Variants in PTPRR observed in about 807,000 individuals in gnomAD.
PTPRR encodes protein tyrosine phosphatase receptor type R, also known as receptor-type tyrosine-protein phosphatase R.
PTPRR carries 38 observed loss-of-function variants against 77.2 expected under a neutral mutation model. That is an observed-to-expected ratio of 0.49 (90% confidence interval 0.38 to 0.65). The LOEUF (loss-of-function observed/expected upper bound fraction) is 0.65. Among genes scored for constraint, PTPRR ranks in the 30% least tolerant of loss-of-function variants. The pLI is 0.00. For missense variants in PTPRR, 744 were observed against 799.2 expected (o/e 0.93, Z 0.83); for synonymous variants, 299 against 283.1 (o/e 1.06, Z -0.57).
At chr12:70,761,036 T>C (rs1197937690) in intron 4 of PTPRR, among the ~76,000 whole-genome samples, 2 of 152,142 alleles carry the variant, frequency 1.3e-5, no homozygotes, top group African/African-American at 4.8e-5. Context: ...AATTTCAAAG[T>C]TATGGGAAAA....
intron 2 of PTPRR, among the ~76,000 whole-genome samples, chr12:70,830,426 G>A (rs1892191692): frequency 6.6e-6 from 1 of 152,064 alleles, no homozygotes; most frequent in South Asian, 2.1e-4. Context: ...TAAAAGGCAG[G>A]GCAAAGGAGT....
At chr12:70,659,473 A>T (rs1886714822) in intron 12 of PTPRR, among the ~76,000 whole-genome samples, 1 of 152,130 alleles carries the variant, frequency 6.6e-6, no homozygotes, top group South Asian at 2.1e-4. Context: ...GATAACTGTC[A>T]ACATGGGATC....
In PTPRR at chr12:70,686,374, A is replaced by G. The variant is rs181513853; in HGVS notation, c.1280-1591T>C. 3.3e-3 allele frequency among the ~76,000 whole-genome samples: 510 copies of G among 152,356 alleles called. 1 individual carries two copies. The highest frequency in any genetic ancestry group is 6.7e-3 in the Admixed American group (102 of 15,300). On this transcript the variant is annotated intron_variant, in intron 8 of 13. Coordinates refer to ENST00000283228, the MANE Select transcript of PTPRR (RefSeq NM_002849.4). ...ATTTGTTTTAAATTTCACTTTATAT[A>G]TAACTGGGGTTAAAGATAATAAAGG... is the stretch of plus-strand genomic sequence containing the variant.
At chr12:70,726,793 A>C (rs1338624685) in intron 6 of PTPRR, among the ~76,000 whole-genome samples, 1 of 152,008 alleles carries the variant, frequency 6.6e-6, no homozygotes, top group Non-Finnish European at 1.5e-5. Flanking sequence ...GTCTCTGCTA[A>C]AAGGTCTTGA....
At chr12:70,768,225 A>G (rs1490651814) in intron 2 of PTPRR, among the ~76,000 whole-genome samples, 2 of 152,154 alleles carry the variant, frequency 1.3e-5, no homozygotes, top group African/African-American at 4.8e-5. Context: ...TGAATCCAGG[A>G]GCTGGTTTTT....
intron 7 of PTPRR, 140 bp from the exon 8 acceptor site, chr12:70,698,489 C>T: frequency 6.4e-6 from 4 of 623,608 alleles, no homozygotes; most frequent in Admixed American, 2.7e-5. Flanking sequence ...GGTGGACCAA[C>T]ACCCTTCCTT....
At chr12:70,716,854 A>C (rs1235263885) in intron 6 of PTPRR, among the ~76,000 whole-genome samples, 1 of 152,216 alleles carries the variant, frequency 6.6e-6, no homozygotes, top group Non-Finnish European at 1.5e-5. Flanking sequence ...CCCATAAAAT[A>C]AAATCATTTT....
chr12:70,803,154 C>G (rs111685949), intron 2 of PTPRR, among the ~76,000 whole-genome samples: 1 of 152,102 alleles, frequency 6.6e-6, no homozygotes, highest in Non-Finnish European at 1.5e-5. Flanking sequence ...AAAGCAGTTG[C>G]CATCAGCTCA....
chr12:70,787,305 C>A (rs1355651659), intron 2 of PTPRR, among the ~76,000 whole-genome samples: 2 of 152,122 alleles, frequency 1.3e-5, no homozygotes, highest in Non-Finnish European at 2.9e-5. Context: ...TAGCTTATTC[C>A]TTTTTGTGAC....
intron 2 of PTPRR, among the ~76,000 whole-genome samples, chr12:70,782,731 A>G (rs549617664): frequency 1.3e-5 from 2 of 152,246 alleles, no homozygotes; most frequent in East Asian, 1.9e-4. Flanking sequence ...AGACACACCT[A>G]ATGTAAATGA....
chr12:70,763,625 T>C (rs966345429), intron 3 of PTPRR, among the ~76,000 whole-genome samples: 2 of 152,234 alleles, frequency 1.3e-5, no homozygotes, highest in Admixed American at 1.3e-4. Flanking sequence ...GCAAATTCCC[T>C]CCATAGTGAA....
intron 2 of PTPRR, among the ~76,000 whole-genome samples, chr12:70,799,051 G>A (rs1891567054): frequency 6.6e-6 from 1 of 152,046 alleles, no homozygotes. Context: ...AGTATAAGGG[G>A]CTCCATAAGC....
intron 2 of PTPRR, among the ~76,000 whole-genome samples, chr12:70,776,987 G>C (rs765365641): frequency 3.9e-5 from 6 of 151,962 alleles, no homozygotes; most frequent in Non-Finnish European, 5.9e-5. Flanking sequence ...AAATAATCCT[G>C]CTAACCATAT....
chr12:70,656,422 C>T (rs78403875), intron 13 of PTPRR, among the ~76,000 whole-genome samples: 4,054 of 150,836 alleles, frequency 0.027, 88 homozygotes, highest in South Asian at 0.11. Context: ...TAGCTACGTG[C>T]GGGGGCTGAG....
Position 70,662,506 on chromosome 12 carries a change from G to C in PTPRR, c.1597C>G (p.Leu533Val). Reference sequence around the variant, plus strand: ...CTACATAATCTTACCTTTAAGACAAGGTTTCGAATGGTGTAGTTATCACAT... The same window carrying C: ...CTACATAATCTTACCTTTAAGACAACGTTTCGAATGGTGTAGTTATCACAT... ...NECDNYTIRN[L>V]VLKQGSHTQH... is the part of the protein sequence containing the mutation. Residue 533 changes from leucine (L) to valine (V), a missense_variant, in exon 11 of 14, where the codon CTT (leucine) becomes GTT (valine). Leu to Val is a conservative substitution (Grantham distance 32). Coordinates refer to ENST00000283228, the MANE Select transcript of PTPRR (RefSeq NM_002849.4). 1 of 1,591,552 alleles carries C rather than the reference G, an allele frequency of 6.3e-7. No individual in the cohort carries two copies. Among genetic ancestry groups the C allele is most frequent in the Admixed American group, 1.7e-5 (1 of 58,858 alleles).
In PTPRR at chr12:70,691,161, C is replaced by T. The variant is rs1301825081; in HGVS notation, c.1280-6378G>A. 2.0e-5 allele frequency among the ~76,000 whole-genome samples: 3 copies of T among 152,180 alleles called. No individual in the cohort carries two copies. In the East Asian group the frequency reaches 5.8e-4, roughly 29 times the overall value. On this transcript the variant is annotated intron_variant, in intron 8 of 13. Transcript: ENST00000283228. Reference sequence around the variant, plus strand: ...TCTGCAACTCAATCCTCCTCATGTACACTGTGATCTATCCTAACCCTAGCA... The same window carrying T: ...TCTGCAACTCAATCCTCCTCATGTATACTGTGATCTATCCTAACCCTAGCA...
rs565315408 is a variant in PTPRR, at chr12:70,680,817, A to G, written c.1497+3310T>C. On this transcript the variant is annotated intron_variant, in intron 10 of 13. Transcript: ENST00000283228. ...GGTGGTATATGCGGACAGGTCTGCCAGCTCAGGTTGGGGCATCCTTAGAAG... is the reference window on the plus strand; with the variant it reads ...GGTGGTATATGCGGACAGGTCTGCCGGCTCAGGTTGGGGCATCCTTAGAAG... Among the ~76,000 whole-genome samples the G allele has an allele frequency of 2.0e-5, 3 of 152,338 alleles. No homozygotes were observed. In the East Asian group the frequency reaches 5.8e-4, roughly 29 times the overall value.
At chr12:70,649,242 G>A (rs1886305869) in intron 13 of PTPRR, among the ~76,000 whole-genome samples, 1 of 152,106 alleles carries the variant, frequency 6.6e-6, no homozygotes, top group Non-Finnish European at 1.5e-5. Context: ...ATCCTATCCA[G>A]TGTTCAAGCT....
intron 2 of PTPRR, among the ~76,000 whole-genome samples, chr12:70,837,995 A>G (rs2137056898): frequency 6.6e-6 from 1 of 152,242 alleles, no homozygotes; most frequent in East Asian, 1.9e-4. Flanking sequence ...GACCACATAC[A>G]TATTTCACAA....
Sources: allele counts gnomAD v4.1 joint callset (sites outside exome capture counted in the v4.1 genomes callset), GRCh38; gene constraint gnomAD v4.1.1; transcripts MANE v1.5; gene names NCBI Gene and HGNC (gene_info 2026-07-23, HGNC 2026-07-21).